Variants in MTPN observed in about 807,000 individuals in gnomAD.
MTPN encodes granule cell differentiation protein.
In MTPN, 2 loss-of-function variants were observed where a neutral mutation model predicts 13.5. The ratio of observed to expected loss-of-function variants is 0.15; its 90% CI spans 0.06 to 0.47. The LOEUF (loss-of-function observed/expected upper bound fraction) is 0.47. MTPN is among the 20% of genes least tolerant of loss of function. The probability of loss-of-function intolerance (pLI) is 0.97; values close to 1 mark genes in which losing one functional copy is unlikely to be tolerated. For missense variants in MTPN, 79 were observed against 137.9 expected (o/e 0.57, Z 2.14); for synonymous variants, 46 against 51.7 (o/e 0.89, Z 0.48).
intron 3 of MTPN, among the ~76,000 whole-genome samples, chr7:135,930,232 G>C (rs910815306): frequency 1.3e-4 from 20 of 152,130 alleles, no homozygotes; most frequent in African/African-American, 4.6e-4. Context: ...TGTAACCCAG[G>C]CAATCACTGG....
chr7:135,963,604 TTGACA>T (rs1335237310), intron 1 of MTPN, among the ~76,000 whole-genome samples: 11 of 152,036 alleles, frequency 7.2e-5, no homozygotes, highest in Admixed American at 3.3e-4. Context: ...CTGCTCTTAC[TTGACA>T]TATTTTCTGA....
intron 3 of MTPN, among the ~76,000 whole-genome samples, chr7:135,930,537 C>T (rs910574846): frequency 2.6e-5 from 4 of 152,078 alleles, no homozygotes; most frequent in Admixed American, 6.6e-5. Context: ...AGGTTCCCTG[C>T]GATATTGTAG....
In MTPN at chr7:135,927,544, G is replaced by A. The variant is rs776325498; in HGVS notation, c.*2382C>T. The A allele has an allele frequency of 1.3e-6, 1 of 776,536 alleles. No homozygotes were observed. Among genetic ancestry groups the A allele is most frequent in the Non-Finnish European group, 2.2e-6 (1 of 462,136 alleles). 48.1% of individuals were successfully genotyped at this position (776,536 alleles called of 1,614,324 possible). On this transcript the variant is annotated 3_prime_UTR_variant, in exon 4 of 4. Coordinates refer to ENST00000393085, the MANE Select transcript of MTPN (RefSeq NM_145808.4). ...ACTTAACCTTTCGCTAATGCATGTA[G>A]TACCAGAAAGCAAACATGGTTTTAG...
intron 3 of MTPN, among the ~76,000 whole-genome samples, chr7:135,931,621 A>G (rs757789221): frequency 6.6e-6 from 1 of 152,204 alleles, no homozygotes; most frequent in Non-Finnish European, 1.5e-5. Flanking sequence ...TGGTTAAGGG[A>G]TAACTGTATT....
intron 1 of MTPN, among the ~76,000 whole-genome samples, chr7:135,959,603 A>AT (rs1205742286): frequency 3.3e-5 from 5 of 152,144 alleles, no homozygotes; most frequent in Admixed American, 2.6e-4. Flanking sequence ...GCCATCAACT[A>AT]TTTTTAATCC....
chr7:135,956,588 G>A (rs1187954437), intron 1 of MTPN, among the ~76,000 whole-genome samples: 1 of 152,062 alleles, frequency 6.6e-6, no homozygotes, highest in Non-Finnish European at 1.5e-5. Context: ...TTATACAGAG[G>A]ACATGATCTC....
chr7:135,931,551 A>C (rs896167256), intron 3 of MTPN, among the ~76,000 whole-genome samples: 1 of 152,228 alleles, frequency 6.6e-6, no homozygotes, highest in African/African-American at 2.4e-5. Flanking sequence ...CATGGAATTC[A>C]GGGTCAAGTG....
chr7:135,976,924 T>TGCAACC, intron 1 of MTPN, 105 bp downstream of exon 1: 1 of 724,844 alleles, frequency 1.4e-6, no homozygotes, highest in Non-Finnish European at 2.5e-6. Flanking sequence ...AGGAAGTCTC[T>TGCAACC]CCTCCCGCCC....
chr7:135,930,038 TA>T, intron 3 of MTPN, 26 bp from the exon 4 acceptor site: 1 of 1,504,818 alleles, frequency 6.6e-7, no homozygotes, highest in Non-Finnish European at 9.1e-7. Flanking sequence ...AAGGGCTCAT[TA>T]AATGAGCCCA....
chr7:135,964,262 T>C (rs1020447233), intron 1 of MTPN, among the ~76,000 whole-genome samples: 4 of 152,080 alleles, frequency 2.6e-5, no homozygotes, highest in Admixed American at 2.6e-4. Context: ...GGAAATAATG[T>C]ATTCAGAACT....
Position 135,929,773 on chromosome 7 carries a change from T to C in MTPN, c.*153A>G. On this transcript the variant is annotated 3_prime_UTR_variant, in exon 4 of 4. Coordinates refer to ENST00000393085, the MANE Select transcript of MTPN (RefSeq NM_145808.4). ...CTCCTCCAAAACAATTTTTTTTTTC[T>C]GGTAGTCGGATTTGTTATGAATTTC... 1 of 723,556 alleles carries C rather than the reference T, an allele frequency of 1.4e-6. No homozygotes were observed. Among genetic ancestry groups the C allele is most frequent in the Middle Eastern group, 3.9e-4 (1 of 2,540 alleles). 44.8% of individuals were successfully genotyped at this position (723,556 alleles called of 1,614,324 possible).
intron 1 of MTPN, among the ~76,000 whole-genome samples, chr7:135,976,398 G>C (rs1799773528): frequency 6.6e-6 from 1 of 152,222 alleles, no homozygotes; most frequent in Non-Finnish European, 1.5e-5. Context: ...AACATTCCCA[G>C]ATGCCAGTTG....
chr7:135,945,989 T>C (rs1347041686), intron 3 of MTPN, among the ~76,000 whole-genome samples: 1 of 152,146 alleles, frequency 6.6e-6, no homozygotes, highest in Non-Finnish European at 1.5e-5. Flanking sequence ...ATAGAACAAC[T>C]ATAACATGCT....
chr7:135,958,384 C>T (rs1799475631), intron 1 of MTPN, among the ~76,000 whole-genome samples: 1 of 152,196 alleles, frequency 6.6e-6, no homozygotes, highest in Non-Finnish European at 1.5e-5. Flanking sequence ...GCCTACCAAA[C>T]AGCTACTACT....
chr7:135,940,814 T>C (rs183126085), intron 3 of MTPN, among the ~76,000 whole-genome samples: 4 of 152,216 alleles, frequency 2.6e-5, no homozygotes, highest in Admixed American at 6.5e-5. Context: ...ATGGCACACA[T>C]ATGACTTGTC....
At chr7:135,972,223 ACG>A (rs71531882) in intron 1 of MTPN, among the ~76,000 whole-genome samples, 25 of 131,872 alleles carry the variant, frequency 1.9e-4, no homozygotes, top group African/African-American at 4.7e-4. Context: ...GCACACGCGC[ACG>A]CGCGCGCACA....
At chr7:135,934,915 A>C (rs2116344643) in intron 3 of MTPN, among the ~76,000 whole-genome samples, 1 of 152,134 alleles carries the variant, frequency 6.6e-6, no homozygotes, top group East Asian at 1.9e-4. Context: ...TGCTCTTCCT[A>C]ATCATCTCAT....
intron 1 of MTPN, among the ~76,000 whole-genome samples, chr7:135,968,715 C>A (rs971287615): frequency 1.3e-5 from 2 of 148,856 alleles, no homozygotes; most frequent in African/African-American, 5.0e-5. Flanking sequence ...ATCACACGAT[C>A]CCAGCATTCC....
chr7:135,972,231 GCACACACA>G (rs67168370), intron 1 of MTPN, among the ~76,000 whole-genome samples: 23 of 124,700 alleles, frequency 1.8e-4, no homozygotes, highest in African/African-American at 6.0e-4. Flanking sequence ...GCACGCGCGC[GCACACACA>G]CACACACACA....
Sources: gnomAD v4.1 joint callset for allele counts (sites outside exome capture counted in the v4.1 genomes callset) on GRCh38, gnomAD v4.1.1 for gene constraint, MANE v1.5 for transcripts, NCBI Gene and HGNC (gene_info 2026-07-23, HGNC 2026-07-21) for gene names.